Variants in AFF2 observed in about 807,000 individuals in gnomAD.
The protein encoded by AFF2 is ALF transcription elongation factor 2.
AFF2 carries 14 observed loss-of-function variants against 76.9 expected under a neutral mutation model. The observed-to-expected ratio is 0.18, with a 90% CI of 0.12 to 0.28. AFF2 has a LOEUF of 0.28. Among genes scored for constraint, AFF2 ranks in the 10% least tolerant of loss-of-function variants. The probability of loss-of-function intolerance (pLI) is 1.00; values close to 1 mark genes in which losing one functional copy is unlikely to be tolerated. For synonymous variants in AFF2, 398 were observed against 366.7 expected, an observed-to-expected ratio of 1.09 and a Z score of -0.98; for missense variants, 868 against 1,001.1, an observed-to-expected ratio of 0.87 and a Z score of 1.79.
chrX:148,922,169 A>T (rs2071603053), intron 9 of AFF2, among the ~76,000 whole-genome samples: 1 of 111,586 alleles, frequency 9.0e-6, no homozygotes, highest in Non-Finnish European at 1.9e-5. Flanking sequence ...GCATATTTTA[A>T]TTTTTTGAAA....
Position 148,956,572 on chromosome X carries a change from G to A in AFF2, c.2527G>A (p.Ala843Thr), listed in dbSNP as rs1557287423. Residue 843 changes from alanine to threonine, a missense_variant, in exon 11 of 21, where the codon GCT becomes ACT. This residue lies in a region of AFF2 where 532 missense variants were observed against 564.2 expected (regional missense o/e 0.94). Transcript: ENST00000370460. ...TKPKRQTAVT[A>T]VEKPAPKGKR... ...ACCCAAGCGTCAGACAGCTGTCACA[G>A]CTGTGGAGAAACCAGCCCCTAAGGG... is the stretch of plus-strand genomic sequence containing the variant. 5.0e-6 allele frequency: 6 copies of A among 1,211,547 alleles called. No individual in the cohort carries two copies. Among genetic ancestry groups the A allele is most frequent in the Non-Finnish European group, 6.7e-6 (6 of 895,449 alleles).
chrX:148,705,854 G>C (rs868984658), intron 3 of AFF2, among the ~76,000 whole-genome samples: 3 of 111,325 alleles, frequency 2.7e-5, no homozygotes, highest in African/African-American at 9.8e-5. Flanking sequence ...GAGGAGTCAA[G>C]TATAAGATGA....
At chrX:148,790,837 G>A (rs979796126) in intron 3 of AFF2, among the ~76,000 whole-genome samples, 1 of 111,629 alleles carries the variant, frequency 9.0e-6, no homozygotes, top group Non-Finnish European at 1.9e-5. Flanking sequence ...ATGTACCCCA[G>A]AACTTAAAAT....
intron 3 of AFF2, among the ~76,000 whole-genome samples, chrX:148,709,728 G>C (rs1357663625): frequency 2.7e-5 from 3 of 111,975 alleles, no homozygotes; most frequent in South Asian, 3.7e-4. Flanking sequence ...TAGCATACTA[G>C]TGGTCAGGAG....
chrX:148,648,922 C>G (rs978890373), intron 1 of AFF2, among the ~76,000 whole-genome samples: 1 of 111,918 alleles, frequency 8.9e-6, no homozygotes, highest in Non-Finnish European at 1.9e-5. Context: ...GGCTTAACTT[C>G]TCAGTATGAA....
intron 5 of AFF2, 144 bp from the exon 6 acceptor site, chrX:148,842,822 C>T (rs2070616557): frequency 4.7e-6 from 2 of 426,903 alleles, no homozygotes. Flanking sequence ...GAGCTATAGA[C>T]AAAAGCCTAA....
chrX:148,772,537 TCTTTC>T (rs2069601548), intron 3 of AFF2, among the ~76,000 whole-genome samples: 3 of 57,795 alleles, frequency 5.2e-5, no homozygotes, highest in Non-Finnish European at 8.7e-5. Context: ...TTTCTTTCTT[TCTTTC>T]TTTTTTTTTT....
intron 9 of AFF2, among the ~76,000 whole-genome samples, chrX:148,926,210 G>A (rs2071649133): frequency 8.9e-6 from 1 of 111,891 alleles, no homozygotes; most frequent in Non-Finnish European, 1.9e-5. Context: ...TGTGCATTAC[G>A]TAGAGAGTAA....
At chrX:148,798,989 T>C (rs1603302906) in intron 3 of AFF2, among the ~76,000 whole-genome samples, 1 of 111,887 alleles carries the variant, frequency 8.9e-6, no homozygotes, top group Middle Eastern at 4.6e-3. Flanking sequence ...GTCTCATAAA[T>C]GGTGGACAGA....
At chrX:148,986,655 G>A (rs1244192283) in intron 19 of AFF2, among the ~76,000 whole-genome samples, 3 of 112,728 alleles carry the variant, frequency 2.7e-5, no homozygotes, top group Non-Finnish European at 5.6e-5. Context: ...TGCTCCTTGG[G>A]GGGCTGTAAG....
chrX:148,807,946 A>G (rs1316389923), intron 3 of AFF2, among the ~76,000 whole-genome samples: 1 of 112,585 alleles, frequency 8.9e-6, no homozygotes, highest in African/African-American at 3.2e-5. Context: ...GTGGAATAAC[A>G]GTAGTTATTA....
rs782447028 is a variant in AFF2, at chrX:148,978,555, A to C, written c.3570+100A>C. 24 of 581,878 alleles carry C rather than the reference A, an allele frequency of 4.1e-5. 1 individual carries two copies. The African/African-American group carries it at 4.7e-4, about 11-fold the overall frequency. The allele number at this position is 581,878 out of a possible 1,213,427, so 48.0% of individuals were successfully genotyped here. ...AATGTCAAATGCTGCCAAAGGCTTA[A>C]CCTCTCTCCTCCCTGCTGGCCATGG... On this transcript the variant is annotated intron_variant, in intron 18 of 20. Transcript: ENST00000370460.
intron 1 of AFF2, among the ~76,000 whole-genome samples, chrX:148,596,088 T>C (rs2053568757): frequency 9.0e-6 from 1 of 111,707 alleles, no homozygotes; most frequent in Non-Finnish European, 1.9e-5. Context: ...TAACATCTAC[T>C]GTGCTCTTTG....
At chrX:148,976,136 C>A (rs1281081914) in intron 16 of AFF2, among the ~76,000 whole-genome samples, 1 of 110,472 alleles carries the variant, frequency 9.1e-6, no homozygotes, top group Non-Finnish European at 1.9e-5. Flanking sequence ...ATCTGAAAGT[C>A]AATGGAGAAT....
intron 4 of AFF2, among the ~76,000 whole-genome samples, chrX:148,817,776 C>G (rs1242298720): frequency 9.0e-6 from 1 of 111,210 alleles, no homozygotes; most frequent in East Asian, 2.8e-4. Context: ...ACAATATCAC[C>G]AAGTGGGTTT....
At chrX:148,739,408 T>C (rs1557265422) in intron 3 of AFF2, among the ~76,000 whole-genome samples, 1 of 112,132 alleles carries the variant, frequency 8.9e-6, no homozygotes, top group African/African-American at 3.2e-5. Context: ...TGCTTTAAAA[T>C]TTCTTTTGTC....
chrX:148,566,981 C>G (rs1489960887), intron 1 of AFF2, among the ~76,000 whole-genome samples: 1 of 111,518 alleles, frequency 9.0e-6, no homozygotes, highest in Non-Finnish European at 1.9e-5. Context: ...TTGTGTAATG[C>G]CTGTCTGCCA....
At chrX:148,989,049 G>A (rs2072505806) in intron 20 of AFF2, among the ~76,000 whole-genome samples, 2 of 112,181 alleles carry the variant, frequency 1.8e-5, no homozygotes, top group Middle Eastern at 4.6e-3. Context: ...CCTTTGGTGA[G>A]ATCCCAAACC....
intron 2 of AFF2, among the ~76,000 whole-genome samples, chrX:148,656,649 G>A (rs1264533862): frequency 1.9e-5 from 2 of 105,566 alleles, no homozygotes; most frequent in African/African-American, 3.5e-5. Flanking sequence ...ACAGGCGCCC[G>A]CCACTACGCC....
Sources: gnomAD v4.1 joint callset for allele counts (sites outside exome capture counted in the v4.1 genomes callset) on GRCh38, gnomAD v4.1.1 for gene constraint, gnomAD v4.1.1 regional missense constraint, MANE v1.5 for transcripts, NCBI Gene and HGNC (gene_info 2026-07-23, HGNC 2026-07-21) for gene names.